LINGO2: variants seen among roughly 807,000 people sequenced by gnomAD.
The protein encoded by LINGO2 is leucine rich repeat and Ig domain containing 2.
Under a neutral mutation model 30.6 loss-of-function variants are expected in LINGO2, and 14 were observed. The ratio of observed to expected loss-of-function variants is 0.46; its 90% CI spans 0.30 to 0.72. The LOEUF (loss-of-function observed/expected upper bound fraction) is 0.72. Among genes scored for constraint, LINGO2 ranks in the 30% least tolerant of loss-of-function variants. LINGO2 has a pLI of 0.07. For synonymous variants in LINGO2, 317 were observed against 288.5 expected (o/e 1.10, Z -1.00); for missense variants, 729 against 751.7 (o/e 0.97, Z 0.35).
chr9:29,170,142 C>G, the LINGO2 span, among the ~76,000 whole-genome samples: 1 of 152,152 alleles, frequency 6.6e-6, no homozygotes, highest in Non-Finnish European at 1.5e-5. Flanking sequence ...CAAAAAGACA[C>G]CTGCATTCAT....
intron 4 of LINGO2, among the ~76,000 whole-genome samples, chr9:28,210,785 G>C (rs1267820333): frequency 1.3e-5 from 2 of 149,928 alleles, no homozygotes; most frequent in Admixed American, 6.7e-5. Context: ...TGTGATATTT[G>C]GAGAAATATT....
the LINGO2 span, among the ~76,000 whole-genome samples, chr9:28,677,080 T>C: frequency 6.6e-6 from 1 of 152,084 alleles, no homozygotes; most frequent in East Asian, 1.9e-4. Flanking sequence ...TTACATTTAT[T>C]TGCATGCCTA....
At chr9:28,948,868 T>G in the LINGO2 span, among the ~76,000 whole-genome samples, 3 of 151,952 alleles carry the variant, frequency 2.0e-5, no homozygotes, top group Non-Finnish European at 1.5e-5. Flanking sequence ...TTTCTATTTT[T>G]ACGAATACAG....
intron 1 of LINGO2, among the ~76,000 whole-genome samples, chr9:28,529,742 A>C (rs917087402): frequency 1.3e-5 from 2 of 151,944 alleles, no homozygotes; most frequent in Non-Finnish European, 2.9e-5. Context: ...AACATAATGA[A>C]TAGTTTAAGG....
intron 4 of LINGO2, among the ~76,000 whole-genome samples, chr9:28,249,091 G>A (rs1027317602): frequency 6.6e-6 from 1 of 151,908 alleles, no homozygotes; most frequent in Non-Finnish European, 1.5e-5. Flanking sequence ...ATGATTTGTG[G>A]GGAAATGTGG....
chr9:28,096,195 T>C (rs1324281011), intron 4 of LINGO2, among the ~76,000 whole-genome samples: 1 of 152,150 alleles, frequency 6.6e-6, no homozygotes, highest in East Asian at 1.9e-4. Context: ...AATAATAGCA[T>C]CTACCTCACA....
At chr9:27,945,186 T>C (rs1466189320), downstream of LINGO2, among the ~76,000 whole-genome samples, 2 of 152,158 alleles carry the variant, frequency 1.3e-5, no homozygotes, top group East Asian at 3.8e-4. Context: ...ACAAGTTAAT[T>C]TACATGGGAC....
At chr9:28,061,911 A>C (rs930818743) in intron 4 of LINGO2, among the ~76,000 whole-genome samples, 1 of 152,152 alleles carries the variant, frequency 6.6e-6, no homozygotes, top group Non-Finnish European at 1.5e-5. Flanking sequence ...AATTGAAATC[A>C]GAAGTTCCAT....
intron 4 of LINGO2, among the ~76,000 whole-genome samples, chr9:28,221,155 C>A (rs1486526516): frequency 6.6e-6 from 1 of 151,658 alleles, no homozygotes; most frequent in Non-Finnish European, 1.5e-5. Flanking sequence ...AAAAATTAGC[C>A]GGGCGTGGTG....
chr9:28,594,928 A>C (rs189079658), intron 1 of LINGO2, among the ~76,000 whole-genome samples: 1 of 152,218 alleles, frequency 6.6e-6, no homozygotes, highest in Admixed American at 6.5e-5. Flanking sequence ...ATTTGAAATG[A>C]TGTCTGAACC....
At chr9:28,576,178 G>T (rs1295951191) in intron 1 of LINGO2, among the ~76,000 whole-genome samples, 1 of 152,292 alleles carries the variant, frequency 6.6e-6, no homozygotes, top group East Asian at 1.9e-4. Context: ...AACACTGTAC[G>T]CTCATAGAGT....
the LINGO2 span, among the ~76,000 whole-genome samples, chr9:28,714,190 C>CATATATACATATATATAT: frequency 5.5e-5 from 1 of 18,218 alleles, no homozygotes; most frequent in African/African-American, 1.5e-4. Flanking sequence ...TATATATATA[C>CATATATACATATATATAT]ACACATACAC....
the LINGO2 span, among the ~76,000 whole-genome samples, chr9:28,778,171 T>C: frequency 2.0e-5 from 3 of 152,220 alleles, no homozygotes; most frequent in Non-Finnish European, 4.4e-5. Flanking sequence ...TGGGTTAATT[T>C]ATTTTCTCCT....
intron 2 of LINGO2, among the ~76,000 whole-genome samples, chr9:28,397,280 A>C (rs923685265): frequency 4.6e-5 from 7 of 151,462 alleles, no homozygotes; most frequent in Admixed American, 1.3e-4. Flanking sequence ...ATAAAAATAA[A>C]AACTATTTTT....
the LINGO2 span, among the ~76,000 whole-genome samples, chr9:29,140,345 A>T: frequency 6.6e-6 from 1 of 152,016 alleles, no homozygotes; most frequent in Admixed American, 6.6e-5. Context: ...AACAGAGATA[A>T]GAAATATTAA....
chr9:28,733,919 T>C, the LINGO2 span, among the ~76,000 whole-genome samples: 1 of 152,166 alleles, frequency 6.6e-6, no homozygotes, highest in Non-Finnish European at 1.5e-5. Flanking sequence ...GCAGAAACTT[T>C]ACATCTGTTA....
At chr9:28,403,902 T>A (rs1822382267) in intron 2 of LINGO2, among the ~76,000 whole-genome samples, 1 of 152,134 alleles carries the variant, frequency 6.6e-6, no homozygotes, top group African/African-American at 2.4e-5. Flanking sequence ...TTAAATCCTT[T>A]TTTTGGCATC....
At chr9:28,054,729 T>A (rs16912428) in intron 4 of LINGO2, among the ~76,000 whole-genome samples, 10,423 of 152,146 alleles carry the variant, frequency 0.069, 628 homozygotes, top group African/African-American at 0.15. Flanking sequence ...AAAAACCCAA[T>A]AGCTTATATT....
the LINGO2 span, among the ~76,000 whole-genome samples, chr9:29,193,505 G>A: frequency 1.3e-5 from 2 of 152,064 alleles, no homozygotes; most frequent in African/African-American, 4.8e-5. Flanking sequence ...CTTTCAAGGG[G>A]AGTAGATTTG....
Sources: gnomAD v4.1 joint callset for allele counts (sites outside exome capture counted in the v4.1 genomes callset) on GRCh38, gnomAD v4.1.1 for gene constraint, MANE v1.5 for transcripts, NCBI Gene and HGNC (gene_info 2026-07-23, HGNC 2026-07-21) for gene names.